SEMA4A: variants seen among roughly 807,000 people sequenced by gnomAD.
SEMA4A encodes the protein semaphorin-4A.
In SEMA4A, 52 loss-of-function variants were observed where a neutral mutation model predicts 72.5. The observed-to-expected ratio is 0.72, with a 90% CI of 0.57 to 0.90. The LOEUF is 0.90. SEMA4A is among the 40% of genes least tolerant of loss of function. The pLI is 0.00. For missense variants in SEMA4A, 926 were observed against 959.7 expected (o/e 0.96, Z 0.46); for synonymous variants, 369 against 393.1 (o/e 0.94, Z 0.73).
At chr1:156,163,432 G>A (rs1035045573) in intron 10 of SEMA4A, 50 of 328,620 alleles carry the variant, frequency 1.5e-4, no homozygotes, top group South Asian at 1.4e-3. Context: ...AAAAAAATCA[G>A]AGGCCAGGGC....
At chr1:156,170,943 A>AT (rs200150045) in intron 10 of SEMA4A, among the ~76,000 whole-genome samples, 2 of 150,602 alleles carry the variant, frequency 1.3e-5, no homozygotes, top group African/African-American at 4.9e-5. Flanking sequence ...TAAAAAAAAA[A>AT]CCCTTTGACC....
At position 156,169,564 on chromosome 1, in the gene SEMA4A, C is replaced by T. The variant is rs1356527741; in HGVS notation, c.1135-3262C>T. On this transcript the variant is annotated intron_variant, in intron 10 of 14. Transcript: ENST00000368285. ...TCTCCGGAGTAGCTGGGACTACAGG[C>T]GCCCGCCACCATGCCTGGCTAATTT... Among the ~76,000 whole-genome samples the T allele has an allele frequency of 6.0e-5, 9 of 150,362 alleles. 1 individual carries two copies. The highest frequency in any genetic ancestry group is 3.3e-4 in the Admixed American group (5 of 15,164).
rs958669844 is a variant in SEMA4A, at chr1:156,168,826, A to G, written c.1135-4000A>G. Among the ~76,000 whole-genome samples, 12 of 152,172 alleles carry G rather than the reference A, an allele frequency of 7.9e-5. 1 individual carries two copies. Among genetic ancestry groups the G allele is most frequent in the Non-Finnish European group, 4.4e-5 (3 of 68,032 alleles). On this transcript the variant is annotated intron_variant, in intron 10 of 14. Coordinates refer to ENST00000368285, the MANE Select transcript of SEMA4A (RefSeq NM_022367.4). ...AGTCTTTCCTCTTAGACCTCCAGTC[A>G]GTTTCCCAGAGCAGCCTCTTCTAGT... is the stretch of plus-strand genomic sequence containing the variant.
upstream of SEMA4A, chr1:156,149,996 G>A (rs1652399842): frequency 6.6e-6 from 1 of 152,146 alleles, no homozygotes; most frequent in African/African-American, 2.4e-5. Flanking sequence ...ATGGGGTTGA[G>A]AATGGGGGTG....
chr1:156,155,446 C>G (rs1166735708), intron 2 of SEMA4A: 1 of 152,670 alleles, frequency 6.6e-6, no homozygotes, highest in African/African-American at 2.4e-5. Flanking sequence ...ACGGATAAGC[C>G]TCAGCCCCTG....
intron 9 of SEMA4A, 107 bp from the exon 10 acceptor site, chr1:156,162,837 C>T (rs954035893): frequency 3.6e-5 from 51 of 1,399,056 alleles, no homozygotes; most frequent in Admixed American, 5.1e-5. Context: ...GCTGGCCCAG[C>T]TCTCCACACT....
chr1:156,172,775 G>A (rs1052880382), intron 10 of SEMA4A, 51 bp from the exon 11 acceptor site: 2 of 1,529,654 alleles, frequency 1.3e-6, no homozygotes, highest in African/African-American at 1.4e-5. Context: ...GAGGGAGGGT[G>A]AGCTGAGGGG....
intron 3 of SEMA4A, 91 bp downstream of exon 3, chr1:156,156,665 A>C: frequency 8.1e-7 from 1 of 1,237,524 alleles, no homozygotes; most frequent in South Asian, 1.2e-5. Context: ...TGAATAACTT[A>C]GTTGCTGTTA....
At chr1:156,167,982 G>A (rs757639500) in intron 10 of SEMA4A, among the ~76,000 whole-genome samples, 18 of 151,056 alleles carry the variant, frequency 1.2e-4, no homozygotes, top group Middle Eastern at 3.5e-3. Flanking sequence ...GTGCAATGGC[G>A]CGATCTTAGC....
At chr1:156,168,573 T>C (rs1286352845) in intron 10 of SEMA4A, among the ~76,000 whole-genome samples, 2 of 152,054 alleles carry the variant, frequency 1.3e-5, no homozygotes, top group African/African-American at 4.8e-5. Flanking sequence ...TTTCCCCTAT[T>C]TGTTTATTTT....
upstream of SEMA4A, chr1:156,153,307 G>A (rs1173651786): frequency 6.6e-6 from 1 of 152,216 alleles, no homozygotes; most frequent in African/African-American, 2.4e-5. Flanking sequence ...AATATGTCAT[G>A]TCCCCTATCT....
At chr1:156,169,295 T>A (rs1292552908) in intron 10 of SEMA4A, among the ~76,000 whole-genome samples, 1 of 152,098 alleles carries the variant, frequency 6.6e-6, no homozygotes, top group Non-Finnish European at 1.5e-5. Flanking sequence ...CTTTCTCTGT[T>A]AAGTCTTTTC....
intron 9 of SEMA4A, among the ~76,000 whole-genome samples, chr1:156,162,339 G>A (rs541366079): frequency 1.3e-5 from 2 of 152,370 alleles, no homozygotes; most frequent in East Asian, 3.9e-4. Context: ...CCGAGTCATG[G>A]TCTGGCCCCA....
chr1:156,172,544 C>A (rs1218224173), intron 10 of SEMA4A, among the ~76,000 whole-genome samples: 1 of 152,154 alleles, frequency 6.6e-6, no homozygotes, highest in Non-Finnish European at 1.5e-5. Flanking sequence ...TTGCTTCATG[C>A]CAAGCACTGT....
Position 156,177,567 on chromosome 1 carries a change from A to C in SEMA4A, c.*570A>C, listed in dbSNP as rs886045370. The C allele has an allele frequency of 1.1e-5, 2 of 180,112 alleles. No homozygotes were observed. Among genetic ancestry groups the C allele is most frequent in the Non-Finnish European group, 2.4e-5 (2 of 83,094 alleles). The allele number at this position is 180,112 out of a possible 1,614,324, so 11.2% of individuals were successfully genotyped here. On this transcript the variant is annotated 3_prime_UTR_variant, in exon 15 of 15. Transcript: ENST00000368285. ...GTCTGACCACCTTTCTTCTTGCTTCAGTTGGGGCAGACTCTGATCCCTTCT... is the reference window on the plus strand; with the variant it reads ...GTCTGACCACCTTTCTTCTTGCTTCCGTTGGGGCAGACTCTGATCCCTTCT...
Position 156,177,318 on chromosome 1 carries a change from G to C in SEMA4A, c.*321G>C, listed in dbSNP as rs984620615. The C allele has an allele frequency of 4.5e-6, 2 of 445,150 alleles. No homozygotes were observed. Among genetic ancestry groups the C allele is most frequent in the Admixed American group, 3.5e-5 (1 of 28,532 alleles). 27.6% of individuals were successfully genotyped at this position (445,150 alleles called of 1,614,324 possible). A position where few individuals can be genotyped will look rare whatever the true frequency, so the allele number is the denominator to read the frequency against. On this transcript the variant is annotated 3_prime_UTR_variant, in exon 15 of 15. Coordinates refer to ENST00000368285, the MANE Select transcript of SEMA4A (RefSeq NM_022367.4). The stretch of plus-strand genomic sequence containing the variant: ...ATTCCAGGGACCCTCCAGAAACACA[G>C]TGTTTCAAGAGACCCTAAAAAACCT...
Position 156,177,034 on chromosome 1 carries a change from T to C in SEMA4A, c.*37T>C, listed in dbSNP as rs41265023. The C allele has an allele frequency of 0.039, 61,189 of 1,577,254 alleles. 1,872 individuals carry two copies. Among genetic ancestry groups the C allele is most frequent in the African/African-American group, 0.11 (7,990 of 74,470 alleles). On this transcript the variant is annotated 3_prime_UTR_variant, in exon 15 of 15. Transcript: ENST00000368285. ...AGGCCGGGGCTGCGGTGCAGGCACC[T>C]GGCCATGCTGGCTGGGCGGCCCAAG...
intron 11 of SEMA4A, among the ~76,000 whole-genome samples, 153 bp downstream of exon 11, chr1:156,173,159 A>G (rs1318626820): frequency 6.6e-6 from 1 of 152,196 alleles, no homozygotes; most frequent in Non-Finnish European, 1.5e-5. Flanking sequence ...GGTTCTGGAA[A>G]TACAGCAGAG....
chr1:156,156,391 T>C, intron 2 of SEMA4A, 23 bp from the exon 3 acceptor site: 1 of 1,613,182 alleles, frequency 6.2e-7, no homozygotes, highest in South Asian at 1.1e-5. Flanking sequence ...CTCATCACTC[T>C]CTCTGTCTTA....
Sources: allele counts gnomAD v4.1 joint callset (sites outside exome capture counted in the v4.1 genomes callset), GRCh38; gene constraint gnomAD v4.1.1; transcripts MANE v1.5; gene names NCBI Gene and HGNC (gene_info 2026-07-23, HGNC 2026-07-21).